The following PTK2B variants were observed in gnomAD, a reference collection of about 807,000 sequenced individuals.
PTK2B encodes the protein protein-tyrosine kinase 2-beta.
PTK2B carries 71 observed loss-of-function variants against 142.9 expected under a neutral mutation model. The ratio of observed to expected loss-of-function variants is 0.50; its 90% CI spans 0.41 to 0.61. The LOEUF (loss-of-function observed/expected upper bound fraction) is 0.61, where lower values mean the gene tolerates loss of function less well. PTK2B is among the 20% of genes least tolerant of loss of function. PTK2B has a pLI of 0.00. For missense variants in PTK2B, 1,105 were observed against 1,320.4 expected, an observed-to-expected ratio of 0.84 and a Z score of 2.53; for synonymous variants, 519 against 503.4, an observed-to-expected ratio of 1.03 and a Z score of -0.42.
At chr8:27,433,967 A>G in intron 11 of PTK2B, 126 bp from the exon 12 acceptor site, 1 of 1,269,576 alleles carries the variant, frequency 7.9e-7, no homozygotes, top group Non-Finnish European at 1.2e-6. Flanking sequence ...CTCCCAGGCT[A>G]GGAGAGAATG....
At chr8:27,433,075 C>T (rs1315880881) in intron 10 of PTK2B, among the ~76,000 whole-genome samples, 1 of 152,218 alleles carries the variant, frequency 6.6e-6, no homozygotes, top group Admixed American at 6.5e-5. Flanking sequence ...GATCTGCCTG[C>T]CTCGGCCTCC....
chr8:27,394,294 C>T (rs922962432), intron 1 of PTK2B, among the ~76,000 whole-genome samples: 2 of 152,154 alleles, frequency 1.3e-5, no homozygotes, highest in East Asian at 3.9e-4. Flanking sequence ...CTCTGGTTTA[C>T]TTACACAAAC....
At chr8:27,431,859 T>A (rs1013796421) in intron 9 of PTK2B, among the ~76,000 whole-genome samples, 4 of 152,218 alleles carry the variant, frequency 2.6e-5, no homozygotes, top group Non-Finnish European at 5.9e-5. Context: ...GTCCTGGCTT[T>A]CTCTAGACCT....
intron 2 of PTK2B, among the ~76,000 whole-genome samples, chr8:27,412,372 G>GGAACCC (rs1809122526): frequency 1.7e-4 from 26 of 152,176 alleles, no homozygotes; most frequent in Admixed American, 1.7e-3. Flanking sequence ...TTCAGGTGTA[G>GGAACCC]TCTGAGGAAC....
upstream of PTK2B, among the ~76,000 whole-genome samples, chr8:27,324,867 C>T (rs1332415740): frequency 6.6e-6 from 1 of 152,162 alleles, no homozygotes; most frequent in Non-Finnish European, 1.5e-5. Context: ...TTGCTAAGTG[C>T]CCTTGAGTGC....
intron 2 of PTK2B, among the ~76,000 whole-genome samples, chr8:27,398,551 A>T (rs555515630): frequency 1.3e-5 from 2 of 152,338 alleles, no homozygotes; most frequent in East Asian, 3.9e-4. Flanking sequence ...AAATCTTCCC[A>T]GCATCCCCAT....
intron 1 of PTK2B, among the ~76,000 whole-genome samples, chr8:27,327,479 T>C (rs1332685108): frequency 3.3e-5 from 5 of 152,158 alleles, no homozygotes; most frequent in Non-Finnish European, 5.9e-5. Context: ...CATTATTCAC[T>C]GTTTCTCTGA....
At chr8:27,345,951 C>A (rs1804686532) in intron 1 of PTK2B, among the ~76,000 whole-genome samples, 1 of 152,124 alleles carries the variant, frequency 6.6e-6, no homozygotes, top group Admixed American at 6.5e-5. Flanking sequence ...GTGACTGAGC[C>A]TGTCTGAGAC....
Position 27,439,343 on chromosome 8 carries a change from C to G in PTK2B, c.1779C>G (p.Ser593=), listed in dbSNP as rs377608759. The G allele has an allele frequency of 7.4e-6, 12 of 1,614,004 alleles. No homozygotes were observed. The highest frequency in any genetic ancestry group is 1.0e-5 in the Non-Finnish European group (12 of 1,179,986). Residue 593 remains serine, a synonymous_variant, in exon 20 of 31, where the codon TCC becomes TCG. Transcript: ENST00000346049. ...SVTRLPIKWM[S]PESINFRRFT... ...CTCGTCTCCCCATCAAATGGATGTC[C>G]CCAGAGTCCATTAACTTCCGACGCT... is the stretch of plus-strand genomic sequence containing the variant.
intron 1 of PTK2B, among the ~76,000 whole-genome samples, chr8:27,373,773 T>C (rs1013389099): frequency 6.6e-6 from 1 of 152,044 alleles, no homozygotes; most frequent in African/African-American, 2.4e-5. Flanking sequence ...AGGCATCTTT[T>C]CAGGGCAGGG....
intron 1 of PTK2B, among the ~76,000 whole-genome samples, chr8:27,334,231 C>T (rs757957995): frequency 6.6e-6 from 1 of 152,148 alleles, no homozygotes; most frequent in Non-Finnish European, 1.5e-5. Context: ...TCTCTGGTTC[C>T]CTTGGAAGCT....
At chr8:27,359,424 A>G (rs1264162888) in intron 1 of PTK2B, among the ~76,000 whole-genome samples, 1 of 152,144 alleles carries the variant, frequency 6.6e-6, no homozygotes, top group East Asian at 1.9e-4. Context: ...CCTTGCAAAT[A>G]TACTTTTTAT....
intron 2 of PTK2B, among the ~76,000 whole-genome samples, chr8:27,410,188 T>G (rs1808972951): frequency 6.6e-6 from 1 of 152,120 alleles, no homozygotes; most frequent in African/African-American, 2.4e-5. Context: ...CCAGGTGGGG[T>G]TCCTGGGAAG....
At chr8:27,405,916 G>T (rs7000615) in intron 2 of PTK2B, among the ~76,000 whole-genome samples, 121,939 of 152,236 alleles carry the variant, frequency 0.8, 49,323 homozygotes, top group Middle Eastern at 0.9. Context: ...AAACTCAGAA[G>T]GTATATAACC....
upstream of PTK2B, chr8:27,323,439 C>G (rs1224656419): frequency 6.6e-6 from 1 of 152,422 alleles, no homozygotes; most frequent in Non-Finnish European, 1.5e-5. Context: ...ATGCATCCCC[C>G]CAACACCCCC....
intron 1 of PTK2B, among the ~76,000 whole-genome samples, chr8:27,376,459 T>C (rs1012795037): frequency 1.3e-5 from 2 of 152,232 alleles, no homozygotes; most frequent in Non-Finnish European, 1.5e-5. Flanking sequence ...GTCAGAGGCA[T>C]GTGAACCAGA....
chr8:27,352,474 G>C (rs368488947), intron 1 of PTK2B, among the ~76,000 whole-genome samples: 129 of 152,268 alleles, frequency 8.5e-4, no homozygotes, highest in Admixed American at 1.6e-3. Flanking sequence ...AGGGGTGGAG[G>C]GGGGGCGGTC....
At chr8:27,392,425 C>T (rs901729869) in intron 1 of PTK2B, among the ~76,000 whole-genome samples, 1 of 151,786 alleles carries the variant, frequency 6.6e-6, no homozygotes, top group South Asian at 2.1e-4. Context: ...GATGATAGAG[C>T]CTTTCACTGG....
chr8:27,310,851 G>T (rs1003957125), upstream of PTK2B: 2 of 1,609,848 alleles, frequency 1.2e-6, no homozygotes, highest in African/African-American at 1.3e-5. Context: ...TGCCCCTGGT[G>T]TCGGGGGTCG....
Sources: allele counts gnomAD v4.1 joint callset (sites outside exome capture counted in the v4.1 genomes callset), GRCh38; gene constraint gnomAD v4.1.1; transcripts MANE v1.5; gene names NCBI Gene and HGNC (gene_info 2026-07-23, HGNC 2026-07-21).